Variants in SHISA9 observed in about 807,000 individuals in gnomAD.
SHISA9 encodes the protein protein shisa-9.
In SHISA9, 13 loss-of-function variants were observed where a neutral mutation model predicts 38.0. The observed-to-expected ratio is 0.34, with a 90% confidence interval of 0.22 to 0.54. The LOEUF (loss-of-function observed/expected upper bound fraction) is 0.54. Ranked by LOEUF, SHISA9 falls within the 20% of genes least tolerant of loss-of-function variation. The pLI is 0.91. For missense variants in SHISA9, 538 were observed against 575.8 expected, an observed-to-expected ratio of 0.93 and a Z score of 0.67; for synonymous variants, 275 against 242.0, an observed-to-expected ratio of 1.14 and a Z score of -1.27.
At chr16:13,395,869 GT>G in the SHISA9 span, among the ~76,000 whole-genome samples, 14 of 152,324 alleles carry the variant, frequency 9.2e-5, no homozygotes, top group Admixed American at 2.0e-4. Context: ...CACTACAGCT[GT>G]TTCAAAGAGG....
intron 2 of SHISA9, among the ~76,000 whole-genome samples, chr16:13,064,996 T>G (rs2073418586): frequency 6.6e-6 from 1 of 152,146 alleles, no homozygotes; most frequent in South Asian, 2.1e-4. Flanking sequence ...TCTTTGTCTG[T>G]GACATGGGAT....
chr16:13,425,391 G>A, the SHISA9 span, among the ~76,000 whole-genome samples: 1 of 152,366 alleles, frequency 6.6e-6, no homozygotes, highest in Middle Eastern at 3.4e-3. Context: ...GAAGGCTGAG[G>A]CAAGAGAATT....
intron 2 of SHISA9, among the ~76,000 whole-genome samples, chr16:12,951,567 T>C (rs2071757731): frequency 6.6e-6 from 1 of 152,086 alleles, no homozygotes; most frequent in African/African-American, 2.4e-5. Flanking sequence ...CACTGACCTC[T>C]GCTGTAGAAA....
chr16:13,002,302 T>G (rs1358738014), intron 2 of SHISA9, among the ~76,000 whole-genome samples: 1 of 152,190 alleles, frequency 6.6e-6, no homozygotes. Context: ...CAGTGACCTT[T>G]TATTGATCCT....
chr16:13,212,129 T>C (rs1347394562), intron 3 of SHISA9, among the ~76,000 whole-genome samples: 1 of 152,206 alleles, frequency 6.6e-6, no homozygotes, highest in Non-Finnish European at 1.5e-5. Context: ...ATCTGTGCTC[T>C]GTAATCATTC....
chr16:13,318,000 T>TTTG, the SHISA9 span, among the ~76,000 whole-genome samples: 1 of 149,652 alleles, frequency 6.7e-6, no homozygotes, highest in East Asian at 1.9e-4. Context: ...AATGCCTTGT[T>TTTG]TTTTTTTTTT....
chr16:13,435,620 G>GA, the SHISA9 span, among the ~76,000 whole-genome samples: 11 of 151,748 alleles, frequency 7.2e-5, no homozygotes, highest in South Asian at 8.3e-4. Flanking sequence ...AACCTGAGGG[G>GA]AAAAAAAAGA....
the SHISA9 span, among the ~76,000 whole-genome samples, chr16:13,482,662 G>A: frequency 4.6e-5 from 7 of 152,172 alleles, no homozygotes; most frequent in East Asian, 5.8e-4. Context: ...TTAGCTTGGC[G>A]TGGTGGCACA....
the SHISA9 span, among the ~76,000 whole-genome samples, chr16:13,545,643 T>C: frequency 6.6e-6 from 1 of 152,198 alleles, no homozygotes. Flanking sequence ...ACATTCCACC[T>C]GTTGCGTCCC....
the SHISA9 span, among the ~76,000 whole-genome samples, chr16:13,286,530 A>G: frequency 6.6e-6 from 1 of 152,232 alleles, no homozygotes; most frequent in Non-Finnish European, 1.5e-5. Context: ...TCTGGGCAAA[A>G]TATAACAGCC....
the SHISA9 span, among the ~76,000 whole-genome samples, chr16:13,509,203 G>A: frequency 1.3e-5 from 2 of 152,044 alleles, no homozygotes; most frequent in African/African-American, 4.8e-5. Flanking sequence ...CCCATGAGTG[G>A]GGTAGAATCT....
intron 2 of SHISA9, among the ~76,000 whole-genome samples, chr16:12,945,458 TA>T (rs2071676028): frequency 1.3e-5 from 2 of 152,228 alleles, no homozygotes; most frequent in African/African-American, 4.8e-5. Context: ...TTCCTGGTTA[TA>T]AATGTAATAG....
chr16:12,909,688 G>T (rs1596523357), intron 1 of SHISA9: 4 of 763,280 alleles, frequency 5.2e-6, no homozygotes, highest in Non-Finnish European at 6.4e-6. Context: ...AGGCTTAGTT[G>T]CTTCCCACCC....
the SHISA9 span, among the ~76,000 whole-genome samples, chr16:13,310,684 CTTTTT>C: frequency 8.0e-6 from 1 of 125,598 alleles, no homozygotes; most frequent in Non-Finnish European, 1.7e-5. Context: ...GATTTTTATG[CTTTTT>C]TTTTTTTTTT....
At chr16:12,928,370 C>T (rs2071420555) in intron 2 of SHISA9, among the ~76,000 whole-genome samples, 1 of 151,508 alleles carries the variant, frequency 6.6e-6, no homozygotes, top group Non-Finnish European at 1.5e-5. Context: ...TATAATCAGA[C>T]CATCCATTGT....
At chr16:13,133,988 ACT>A (rs1245715980) in intron 2 of SHISA9, among the ~76,000 whole-genome samples, 4 of 152,208 alleles carry the variant, frequency 2.6e-5, no homozygotes, top group African/African-American at 9.6e-5. Context: ...CTGACAATGT[ACT>A]CTATGCCTGC....
In SHISA9 at chr16:13,238,603, G is replaced by A. The variant is rs1044800521; in HGVS notation, c.*3194G>A. ...CTTGGGGTCTGCAGTTGTAATTTTGGCAGCAAAGGTGCAGACTGGTCATTA... is the reference window on the plus strand; with the variant it reads ...CTTGGGGTCTGCAGTTGTAATTTTGACAGCAAAGGTGCAGACTGGTCATTA... On this transcript the variant is annotated 3_prime_UTR_variant, in exon 5 of 5. Transcript: ENST00000558583. The A allele has an allele frequency of 3.3e-5, 5 of 151,962 alleles. No homozygotes were observed. The highest frequency in any genetic ancestry group is 1.2e-4 in the African/African-American group (5 of 41,336). 9.4% of individuals were successfully genotyped at this position (151,962 alleles called of 1,614,324 possible). A position where few individuals can be genotyped will look rare whatever the true frequency, so the allele number is the denominator to read the frequency against.
chr16:13,346,365 AG>A, the SHISA9 span, among the ~76,000 whole-genome samples: 1 of 152,192 alleles, frequency 6.6e-6, no homozygotes, highest in Non-Finnish European at 1.5e-5. Context: ...TGGTCAAGGA[AG>A]GTCTCAGGCA....
rs1212053515 is a variant in SHISA9 at position 13,201,599 on chromosome 16, G to GTC, written c.692-1793_692-1792dup. ...AAAGCAGAGACTGATGGCCTATGTA[G>GTC]TCTAAAATGCTTACTACCTGGCCCT... On this transcript the variant is annotated intron_variant, in intron 2 of 4. Coordinates refer to ENST00000558583, the MANE Select transcript of SHISA9 (RefSeq NM_001145204.3). Among the ~76,000 whole-genome samples, 3 of 133,102 alleles carry GTC rather than the reference G, an allele frequency of 2.3e-5. 1 individual carries two copies. Among genetic ancestry groups the GTC allele is most frequent in the African/African-American group, 8.9e-5 (3 of 33,520 alleles). 87.3% of individuals were successfully genotyped at this position (133,102 alleles called of 152,430 possible).
Sources: allele counts gnomAD v4.1 joint callset (sites outside exome capture counted in the v4.1 genomes callset), GRCh38; gene constraint gnomAD v4.1.1; transcripts MANE v1.5; gene names NCBI Gene and HGNC (gene_info 2026-07-23, HGNC 2026-07-21).